Variants in WDR7 observed in about 807,000 individuals in gnomAD.
The protein encoded by WDR7 is WD repeat-containing protein 7.
A neutral mutation model predicts 169.4 loss-of-function variants in WDR7; 46 were observed. The observed-to-expected ratio is 0.27, with a 90% CI of 0.21 to 0.35. The LOEUF is 0.35. Ranked by LOEUF, WDR7 falls within the 10% of genes least tolerant of loss-of-function variation. The pLI, the probability that WDR7 is intolerant of heterozygous loss-of-function variation, is 1.00. For synonymous variants in WDR7, 612 were observed against 666.8 expected (o/e 0.92, Z 1.27); for missense variants, 1,534 against 1,859.3 (o/e 0.83, Z 3.22).
At chr18:57,032,803 AT>A (rs1568036544), downstream of WDR7, 5 of 8,248 alleles carry the variant, frequency 6.1e-4, 1 homozygote, top group African/African-American at 3.9e-3. Context: ...TAATTATTTT[AT>A]ATATATATAT....
chr18:56,758,370 A>G (rs556430337), intron 15 of WDR7, among the ~76,000 whole-genome samples: 1 of 152,344 alleles, frequency 6.6e-6, no homozygotes, highest in African/African-American at 2.4e-5. Flanking sequence ...AAACTGAGAC[A>G]CAGAGAGATG....
chr18:56,914,223 C>T (rs2046592620), intron 21 of WDR7, among the ~76,000 whole-genome samples: 1 of 152,214 alleles, frequency 6.6e-6, no homozygotes, highest in Non-Finnish European at 1.5e-5. Context: ...ACACGATTCT[C>T]TTTCATCTCA....
Position 56,712,030 on chromosome 18 carries a change from A to C in WDR7, c.1579-5934A>C, listed in dbSNP as rs74254796. Among the ~76,000 whole-genome samples, 410 of 152,318 alleles carry C rather than the reference A, an allele frequency of 2.7e-3. 3 individuals carry two copies. In the East Asian group the frequency reaches 0.036, roughly 13 times the overall value. On this transcript the variant is annotated intron_variant, in intron 12 of 27. Coordinates refer to ENST00000254442, the MANE Select transcript of WDR7 (RefSeq NM_015285.3). ...TTAGCGACTATTCAGGCCAAGAGAA[A>C]AATTGTTTTGGGCACATAAGACCAT...
At chr18:56,817,431 T>A (rs1459704135) in intron 20 of WDR7, among the ~76,000 whole-genome samples, 1 of 151,974 alleles carries the variant, frequency 6.6e-6, no homozygotes, top group Non-Finnish European at 1.5e-5. Flanking sequence ...GGTAGGTTAC[T>A]GTTACATGGG....
chr18:56,814,671 A>C (rs1371940645), intron 19 of WDR7, among the ~76,000 whole-genome samples: 2 of 152,050 alleles, frequency 1.3e-5, no homozygotes, highest in African/African-American at 4.8e-5. Flanking sequence ...AAGGACTGAA[A>C]AACTACTTCT....
chr18:56,916,026 T>G (rs1258304122), intron 21 of WDR7, among the ~76,000 whole-genome samples: 8 of 152,240 alleles, frequency 5.3e-5, no homozygotes, highest in Non-Finnish European at 1.5e-5. Flanking sequence ...TTATGGGGGC[T>G]TATGATGGCT....
intron 26 of WDR7, among the ~76,000 whole-genome samples, chr18:56,995,490 G>C (rs146570110): frequency 6.6e-6 from 1 of 152,256 alleles, no homozygotes; most frequent in Non-Finnish European, 1.5e-5. Context: ...CACTCATTCT[G>C]TATTCAGTAA....
chr18:56,899,029 ATAG>A (rs1446350838), intron 21 of WDR7, among the ~76,000 whole-genome samples: 1 of 152,156 alleles, frequency 6.6e-6, no homozygotes, highest in Non-Finnish European at 1.5e-5. Flanking sequence ...TTTATATTTT[ATAG>A]TAGTATAAGT....
chr18:57,006,277 C>T (rs1047944400), intron 26 of WDR7, among the ~76,000 whole-genome samples: 3 of 151,450 alleles, frequency 2.0e-5, no homozygotes, highest in African/African-American at 7.3e-5. Flanking sequence ...ACAGGATTCA[C>T]GTCTGCTTGG....
chr18:56,886,959 G>A (rs548519886), intron 21 of WDR7, among the ~76,000 whole-genome samples: 2 of 152,206 alleles, frequency 1.3e-5, no homozygotes, highest in East Asian at 1.9e-4. Flanking sequence ...TAACACTGGA[G>A]CTCCCAAATT....
chr18:56,816,516 T>G (rs1242064865), intron 20 of WDR7, among the ~76,000 whole-genome samples: 2 of 152,204 alleles, frequency 1.3e-5, no homozygotes, highest in Non-Finnish European at 2.9e-5. Flanking sequence ...ATACTAAAAT[T>G]TAATCACAAT....
intron 20 of WDR7, among the ~76,000 whole-genome samples, chr18:56,848,335 T>C (rs532851792): frequency 1.5e-3 from 222 of 152,344 alleles, no homozygotes; most frequent in African/African-American, 5.0e-3. Flanking sequence ...CACCATTCTC[T>C]CTTAGAAGTA....
Position 57,024,568 on chromosome 18 carries a change from T to A in WDR7, c.4270-2436T>A, listed in dbSNP as rs898271937. ...AGGGATATGTGAGCTATGATAGTTA[T>A]GTCCCTTATAGAATTTCACATATCC... On this transcript the variant is annotated intron_variant, in intron 27 of 27. Coordinates refer to ENST00000254442, the MANE Select transcript of WDR7 (RefSeq NM_015285.3). Among the ~76,000 whole-genome samples the A allele has an allele frequency of 1.5e-4, 22 of 143,964 alleles. 2 individuals are homozygous for A. The highest frequency in any genetic ancestry group is 4.5e-4 in the African/African-American group (17 of 37,950). The allele number at this position is 143,964 out of a possible 152,430, so 94.4% of individuals were successfully genotyped here.
At chr18:56,978,975 G>T (rs367996958) in intron 26 of WDR7, among the ~76,000 whole-genome samples, 106 of 152,122 alleles carry the variant, frequency 7.0e-4, no homozygotes, top group African/African-American at 2.5e-3. Context: ...TAAAAATAAG[G>T]AAAAATCATT....
Position 56,985,111 on chromosome 18 carries a change from T to C in WDR7, c.4164+22582T>C, listed in dbSNP as rs373629682. ...ATTCAGCCTTAGAACACCACAGTGT[T>C]TCTGGAGAACATTTATTGTATGTGG... On this transcript the variant is annotated intron_variant, in intron 26 of 27. Transcript: ENST00000254442. Among the ~76,000 whole-genome samples the C allele has an allele frequency of 3.3e-5, 5 of 152,176 alleles. No homozygotes were observed. The East Asian group carries it at 5.8e-4, about 18-fold the overall frequency.
intron 22 of WDR7, among the ~76,000 whole-genome samples, chr18:56,929,582 C>G (rs2145666763): frequency 6.6e-6 from 1 of 152,254 alleles, no homozygotes; most frequent in South Asian, 2.1e-4. Flanking sequence ...ACTCTAAGAG[C>G]CAAGACTGTC....
intron 5 of WDR7, among the ~76,000 whole-genome samples, chr18:56,683,677 TGAG>T (rs1227171872): frequency 2.0e-5 from 3 of 152,152 alleles, no homozygotes; most frequent in East Asian, 3.9e-4. Flanking sequence ...ATCATATAGA[TGAG>T]GAGAATGATG....
chr18:56,741,053 G>T (rs1272725628), intron 14 of WDR7, among the ~76,000 whole-genome samples: 1 of 152,112 alleles, frequency 6.6e-6, no homozygotes, highest in Non-Finnish European at 1.5e-5. Flanking sequence ...ATGTCCCATA[G>T]AACATTCCAT....
chr18:57,003,062 G>A lies in WDR7; in HGVS notation c.4165-17683G>A, dbSNP rs2048005955. Among the ~76,000 whole-genome samples the A allele has an allele frequency of 2.6e-5, 4 of 152,200 alleles. No individual in the cohort carries two copies. The South Asian group carries it at 8.3e-4, about 32-fold the overall frequency. ...TTATACATCTTGATATTTCACTGCAGTTTCATCTTGCTATTGTTGAAAATT... is the reference window on the plus strand; with the variant it reads ...TTATACATCTTGATATTTCACTGCAATTTCATCTTGCTATTGTTGAAAATT... On this transcript the variant is annotated intron_variant, in intron 26 of 27. Transcript: ENST00000254442.
Sources: allele counts gnomAD v4.1 joint callset (sites outside exome capture counted in the v4.1 genomes callset), GRCh38; gene constraint gnomAD v4.1.1; transcripts MANE v1.5; gene names NCBI Gene and HGNC (gene_info 2026-07-23, HGNC 2026-07-21).